Variants in NCKAP5 observed in about 807,000 individuals in gnomAD.
NCKAP5 encodes the protein NCK associated protein 5, also known as nck-associated protein 5.
In NCKAP5, 92 loss-of-function variants were observed where a neutral mutation model predicts 167.0. That is an observed-to-expected ratio of 0.55 (90% CI 0.47 to 0.66). NCKAP5 has a LOEUF of 0.66. Among genes scored for constraint, NCKAP5 ranks in the 30% least tolerant of loss-of-function variants. NCKAP5 has a pLI of 0.00. For synonymous variants in NCKAP5, 891 were observed against 877.4 expected (o/e 1.02, Z -0.27); for missense variants, 2,378 against 2,315.0 (o/e 1.03, Z -0.56).
At chr2:133,577,521 AATT>A in the NCKAP5 span, among the ~76,000 whole-genome samples, 1 of 151,550 alleles carries the variant, frequency 6.6e-6, no homozygotes, top group East Asian at 1.9e-4. Context: ...AGGATTTTTA[AATT>A]ATTATTATTA....
intron 4 of NCKAP5, among the ~76,000 whole-genome samples, chr2:133,245,312 T>C (rs1419724396): frequency 3.3e-5 from 5 of 152,178 alleles, no homozygotes; most frequent in African/African-American, 9.7e-5. Flanking sequence ...TGTTTACGAC[T>C]ACTTGCAATG....
At chr2:132,919,159 C>T (rs974004715) in intron 8 of NCKAP5, among the ~76,000 whole-genome samples, 6 of 152,070 alleles carry the variant, frequency 3.9e-5, no homozygotes, top group African/African-American at 1.4e-4. Flanking sequence ...AGAGAGGAAG[C>T]CAATTTACAT....
At chr2:133,278,121 G>A (rs1399340207) in intron 4 of NCKAP5, among the ~76,000 whole-genome samples, 1 of 152,156 alleles carries the variant, frequency 6.6e-6, no homozygotes, top group Non-Finnish European at 1.5e-5. Flanking sequence ...ATGCCATACA[G>A]GATTAGTAAA....
chr2:133,144,438 T>C (rs868815991), intron 5 of NCKAP5, among the ~76,000 whole-genome samples: 3 of 152,124 alleles, frequency 2.0e-5, no homozygotes, highest in African/African-American at 7.2e-5. Flanking sequence ...TCATTCATTT[T>C]CCAGGAGGTG....
intron 3 of NCKAP5, among the ~76,000 whole-genome samples, chr2:133,360,296 G>C (rs1367779386): frequency 6.6e-6 from 1 of 152,178 alleles, no homozygotes; most frequent in African/African-American, 2.4e-5. Flanking sequence ...AAGTTAAGAA[G>C]TGAAATCTCA....
chr2:133,576,915 G>C, the NCKAP5 span, among the ~76,000 whole-genome samples: 1 of 152,202 alleles, frequency 6.6e-6, no homozygotes, highest in Non-Finnish European at 1.5e-5. Context: ...CAGCTTGTCA[G>C]AGCCTTTCCT....
At chr2:133,630,048 G>A in the NCKAP5 span, among the ~76,000 whole-genome samples, 1 of 152,136 alleles carries the variant, frequency 6.6e-6, no homozygotes, top group Non-Finnish European at 1.5e-5. Context: ...TTAATACCTA[G>A]GTGATGGGTT....
intron 3 of NCKAP5, among the ~76,000 whole-genome samples, chr2:133,427,421 A>C (rs1689881500): frequency 6.6e-6 from 1 of 152,196 alleles, no homozygotes; most frequent in African/African-American, 2.4e-5. Flanking sequence ...TAAAATAGGC[A>C]AATATAGCAT....
chr2:133,000,140 C>T (rs1048172365), intron 6 of NCKAP5, among the ~76,000 whole-genome samples: 1 of 152,132 alleles, frequency 6.6e-6, no homozygotes, highest in East Asian at 1.9e-4. Flanking sequence ...TTGATTCCCC[C>T]ATGCCATGAA....
At chr2:133,514,427 C>CT (rs1235734566) in intron 3 of NCKAP5, among the ~76,000 whole-genome samples, 1 of 152,114 alleles carries the variant, frequency 6.6e-6, no homozygotes, top group Admixed American at 6.5e-5. Flanking sequence ...CCAATTGGAG[C>CT]TTTTTTCAGT....
intron 5 of NCKAP5, among the ~76,000 whole-genome samples, chr2:133,164,529 CACCTT>C (rs1278891768): frequency 4.6e-5 from 7 of 152,154 alleles, no homozygotes; most frequent in African/African-American, 1.7e-4. Context: ...CTTGTTGTTA[CACCTT>C]ACAACACAAT....
chr2:132,970,658 C>T (rs757176254), intron 7 of NCKAP5, among the ~76,000 whole-genome samples: 3 of 152,182 alleles, frequency 2.0e-5, no homozygotes, highest in Non-Finnish European at 2.9e-5. Flanking sequence ...ATAAAGCAAT[C>T]CTTAGAGCTG....
chr2:132,801,464 C>T (rs1380848407), intron 11 of NCKAP5, among the ~76,000 whole-genome samples: 1 of 152,118 alleles, frequency 6.6e-6, no homozygotes, highest in African/African-American at 2.4e-5. Flanking sequence ...GGTATTTACA[C>T]ATGTATATGT....
At chr2:132,971,104 C>T (rs935011987) in intron 7 of NCKAP5, among the ~76,000 whole-genome samples, 2 of 152,210 alleles carry the variant, frequency 1.3e-5, no homozygotes, top group Admixed American at 6.5e-5. Context: ...ACGTGTGGCC[C>T]CTGTTCTCAT....
chr2:133,521,990 C>A (rs1443398864), intron 2 of NCKAP5, among the ~76,000 whole-genome samples: 1 of 152,104 alleles, frequency 6.6e-6, no homozygotes, highest in Non-Finnish European at 1.5e-5. Context: ...TCTTACTGCC[C>A]CCTTTCCACC....
intron 8 of NCKAP5, chr2:132,911,253 C>T (rs74417778): frequency 6.3e-5 from 10 of 159,192 alleles, no homozygotes; most frequent in East Asian, 4.8e-4. Context: ...GCACTTGTAA[C>T]GCAGGTCTTC....
intron 3 of NCKAP5, among the ~76,000 whole-genome samples, chr2:133,369,709 A>G (rs1334397821): frequency 6.6e-6 from 1 of 152,238 alleles, no homozygotes; most frequent in East Asian, 1.9e-4. Context: ...AATTCATCCA[A>G]ATATGATCAA....
intron 8 of NCKAP5, among the ~76,000 whole-genome samples, chr2:132,902,760 T>A (rs897851921): frequency 6.6e-6 from 1 of 152,228 alleles, no homozygotes; most frequent in African/African-American, 2.4e-5. Flanking sequence ...GAATTCATCA[T>A]GTGAAGGGGA....
At chr2:133,538,176 C>G (rs1685904190) in intron 2 of NCKAP5, among the ~76,000 whole-genome samples, 1 of 152,186 alleles carries the variant, frequency 6.6e-6, no homozygotes, top group Admixed American at 6.5e-5. Flanking sequence ...GAAGGCACTA[C>G]TCTACTATTG....
Sources: gnomAD v4.1 joint callset for allele counts (sites outside exome capture counted in the v4.1 genomes callset) on GRCh38, gnomAD v4.1.1 for gene constraint, MANE v1.5 for transcripts, NCBI Gene and HGNC (gene_info 2026-07-23, HGNC 2026-07-21) for gene names.